The following ATP2B4 variants were observed in gnomAD, a reference collection of about 807,000 sequenced individuals.
ATP2B4 encodes plasma membrane calcium-transporting ATPase 4.
ATP2B4 carries 39 observed loss-of-function variants against 110.3 expected under a neutral mutation model. That is an observed-to-expected ratio of 0.35 (90% CI 0.27 to 0.46). The LOEUF (loss-of-function observed/expected upper bound fraction) is 0.46, where lower values mean the gene tolerates loss of function less well. Ranked by LOEUF, ATP2B4 falls within the 20% of genes least tolerant of loss-of-function variation. The pLI is 1.00. For synonymous variants in ATP2B4, 538 were observed against 571.7 expected (o/e 0.94, Z 0.84); for missense variants, 1,135 against 1,530.9 (o/e 0.74, Z 4.32).
intron 2 of ATP2B4, among the ~76,000 whole-genome samples, chr1:203,691,503 T>C (rs1456148137): frequency 2.6e-5 from 4 of 152,142 alleles, no homozygotes; most frequent in Non-Finnish European, 4.4e-5. Flanking sequence ...CCACAGTTGC[T>C]GTTTTCAAAA....
At chr1:203,724,308 G>A (rs1279151501) in intron 19 of ATP2B4, among the ~76,000 whole-genome samples, 1 of 152,096 alleles carries the variant, frequency 6.6e-6, no homozygotes, top group African/African-American at 2.4e-5. Flanking sequence ...ACGAGGTCAG[G>A]AAATCAAGAC....
chr1:203,657,896 G>A (rs751752071), intron 1 of ATP2B4: 15 of 273,054 alleles, frequency 5.5e-5, no homozygotes, highest in Non-Finnish European at 1.0e-4. Flanking sequence ...TAGAGACAGG[G>A]TTTCACCATG....
In ATP2B4 at chr1:203,720,648, G is replaced by A. The variant is rs373440876; in HGVS notation, c.2506G>A (p.Val836Ile). ...GAAGGCAGTGATGTGGGGACGAAATGTCTATGACAGCATCTCCAAGTTCCT... is the reference window on the plus strand; with the variant it reads ...GAAGGCAGTGATGTGGGGACGAAATATCTATGACAGCATCTCCAAGTTCCT... ...IVKAVMWGRN[V>I]YDSISKFLQF... Residue 836 changes from valine (V) to isoleucine (I), a missense_variant, in exon 16 of 21, where the codon GTC becomes ATC. Around this residue, in one of 9 missense-constraint regions of ATP2B4, gnomAD observed 70 missense variants for 142.4 expected, o/e 0.49. Transcript: ENST00000357681. 4 of 1,614,064 alleles carry A rather than the reference G, an allele frequency of 2.5e-6. No individual in the cohort carries two copies. The highest frequency in any genetic ancestry group is 3.4e-6 in the Non-Finnish European group (4 of 1,180,016).
chr1:203,684,801 T>C (rs1665131918), intron 2 of ATP2B4, among the ~76,000 whole-genome samples: 1 of 152,258 alleles, frequency 6.6e-6, no homozygotes, highest in Admixed American at 6.5e-5. Flanking sequence ...TCAACTCTGC[T>C]GGATACACTT....
At chr1:203,687,724 A>G (rs1006188195) in intron 2 of ATP2B4, among the ~76,000 whole-genome samples, 1 of 152,164 alleles carries the variant, frequency 6.6e-6, no homozygotes, top group African/African-American at 2.4e-5. Context: ...TCTGATACTA[A>G]CATGGTTTTA....
chr1:203,704,467 CTTTTTTTTTTTTTTT>C (rs35019828), intron 8 of ATP2B4, among the ~76,000 whole-genome samples: 32 of 68,792 alleles, frequency 4.7e-4, no homozygotes, highest in African/African-American at 2.0e-3. Flanking sequence ...AAGGAACAGT[CTTTTTTTTTTTTTTT>C]TTTTTTTTTT....
At chr1:203,726,740 C>T (rs565443166) in intron 19 of ATP2B4, among the ~76,000 whole-genome samples, 2 of 152,244 alleles carry the variant, frequency 1.3e-5, no homozygotes, top group African/African-American at 4.8e-5. Flanking sequence ...CTGAGCTCAC[C>T]GGGAAATTTA....
At chr1:203,686,886 G>A (rs1490164034) in intron 2 of ATP2B4, among the ~76,000 whole-genome samples, 2 of 150,812 alleles carry the variant, frequency 1.3e-5, no homozygotes. Context: ...GTAGAGACGG[G>A]GTTTCATCAT....
chr1:203,680,628 G>A (rs1353095358), intron 1 of ATP2B4, among the ~76,000 whole-genome samples: 1 of 48,386 alleles, frequency 2.1e-5, no homozygotes. Context: ...AGAAAAAAAA[G>A]ATCAAATTAG....
chr1:203,703,936 T>G, intron 8 of ATP2B4, 123 bp downstream of exon 8: 1 of 1,289,902 alleles, frequency 7.8e-7, no homozygotes, highest in East Asian at 2.6e-5. Flanking sequence ...GGGTGGCTAG[T>G]TGGGGCTAGG....
chr1:203,631,014 C>T (rs921431274), intron 1 of ATP2B4, among the ~76,000 whole-genome samples: 2 of 152,242 alleles, frequency 1.3e-5, no homozygotes, highest in African/African-American at 4.8e-5. Flanking sequence ...TTCCTCTGTA[C>T]ATGTTAAAAC....
intron 1 of ATP2B4, among the ~76,000 whole-genome samples, chr1:203,669,269 C>T (rs1030489528): frequency 3.9e-5 from 6 of 152,144 alleles, no homozygotes; most frequent in African/African-American, 1.4e-4. Context: ...GTGACTGTGT[C>T]CTGCAGATCA....
chr1:203,719,245 A>G (rs896798786), intron 15 of ATP2B4, among the ~76,000 whole-genome samples: 1 of 98,794 alleles, frequency 1.0e-5, no homozygotes. Flanking sequence ...AAAAAAAAAA[A>G]GCAAGAGAGA....
At chr1:203,672,354 TTTA>T (rs1356971953) in intron 1 of ATP2B4, among the ~76,000 whole-genome samples, 4 of 85,300 alleles carry the variant, frequency 4.7e-5, no homozygotes, top group East Asian at 2.5e-4. Context: ...TTTTTTTTTT[TTTA>T]AAGCTGATTT....
At chr1:203,724,104 C>T (rs1666431809) in intron 19 of ATP2B4, 116 bp downstream of exon 19, 8 of 792,954 alleles carry the variant, frequency 1.0e-5, no homozygotes, top group Admixed American at 9.7e-5. Context: ...TCATCTTCTC[C>T]TCTTCCCTCC....
At chr1:203,727,250 A>G (rs1666552021) in intron 19 of ATP2B4, 145 bp from the exon 20 acceptor site, 2 of 903,308 alleles carry the variant, frequency 2.2e-6, no homozygotes, top group Middle Eastern at 2.7e-4. Context: ...GCCTGGATGG[A>G]TTGGTGCTTC....
chr1:203,737,342 G>A (rs537898699), intron 20 of ATP2B4, among the ~76,000 whole-genome samples: 3 of 152,330 alleles, frequency 2.0e-5, no homozygotes, highest in East Asian at 1.9e-4. Flanking sequence ...CTGCCCTCCT[G>A]TAATATTCAG....
At chr1:203,687,483 T>C (rs964579411) in intron 2 of ATP2B4, among the ~76,000 whole-genome samples, 2 of 152,148 alleles carry the variant, frequency 1.3e-5, no homozygotes, top group Non-Finnish European at 2.9e-5. Flanking sequence ...AATTTTGTCA[T>C]TGTGGGAGGT....
At chr1:203,712,274 G>A (rs1410228743) in intron 13 of ATP2B4, 135 bp downstream of exon 13, 2 of 1,057,706 alleles carry the variant, frequency 1.9e-6, no homozygotes, top group Admixed American at 5.5e-5. Context: ...ACATCTCCTT[G>A]TACCAAACTG....
Sources: gnomAD v4.1 joint callset for allele counts (sites outside exome capture counted in the v4.1 genomes callset) on GRCh38, gnomAD v4.1.1 for gene constraint, gnomAD v4.1.1 regional missense constraint, MANE v1.5 for transcripts, NCBI Gene and HGNC (gene_info 2026-07-23, HGNC 2026-07-21) for gene names.